Variants in MAPK10 observed in about 807,000 individuals in gnomAD.
The protein encoded by MAPK10 is JNK3 alpha protein kinase.
Under a neutral mutation model 59.3 loss-of-function variants are expected in MAPK10, and 25 were observed. The ratio of observed to expected loss-of-function variants is 0.42; its 90% CI spans 0.31 to 0.59. The LOEUF is 0.59. Among genes scored for constraint, MAPK10 ranks in the 20% least tolerant of loss-of-function variants. MAPK10 has a pLI of 0.15. For synonymous variants in MAPK10, 190 were observed against 200.5 expected (o/e 0.95, Z 0.44); for missense variants, 351 against 568.9 (o/e 0.62, Z 3.90).
intron 1 of MAPK10, among the ~76,000 whole-genome samples, chr4:86,412,108 C>T (rs1463799784): frequency 6.6e-6 from 1 of 152,176 alleles, no homozygotes; most frequent in Non-Finnish European, 1.5e-5. Flanking sequence ...GTGACAAAAT[C>T]TCTCAGCATT....
chr4:86,530,085 TA>T (rs1331270387), intron 1 of MAPK10, among the ~76,000 whole-genome samples: 1 of 141,102 alleles, frequency 7.1e-6, no homozygotes, highest in Non-Finnish European at 1.6e-5. Flanking sequence ...TTTTTTTTTT[TA>T]AGTACAGACT....
chr4:86,439,006 G>A (rs142550607), intron 1 of MAPK10, among the ~76,000 whole-genome samples: 3 of 152,154 alleles, frequency 2.0e-5, no homozygotes, highest in East Asian at 3.9e-4. Flanking sequence ...TGGTTCGATG[G>A]CTGCAATGTG....
At chr4:86,195,321 C>T (rs1159300427) in intron 2 of MAPK10, among the ~76,000 whole-genome samples, 1 of 152,166 alleles carries the variant, frequency 6.6e-6, no homozygotes, top group Non-Finnish European at 1.5e-5. Context: ...ATGCGACTTC[C>T]ATTTCTGGCA....
chr4:86,052,949 G>A (rs2043857206), intron 11 of MAPK10, among the ~76,000 whole-genome samples: 1 of 152,010 alleles, frequency 6.6e-6, no homozygotes, highest in African/African-American at 2.4e-5. Flanking sequence ...GCCTCCCAAA[G>A]TGCTAGGATT....
intron 13 of MAPK10, among the ~76,000 whole-genome samples, chr4:86,019,930 A>G (rs1157387874): frequency 6.6e-6 from 1 of 152,170 alleles, no homozygotes; most frequent in Non-Finnish European, 1.5e-5. Flanking sequence ...TATTTTTTGT[A>G]ACAGCTTTAT....
chr4:86,057,772 G>C (rs1434093410), intron 11 of MAPK10, among the ~76,000 whole-genome samples: 1 of 149,554 alleles, frequency 6.7e-6, no homozygotes, highest in African/African-American at 2.5e-5. Context: ...AAGAGAAAAG[G>C]GTAAGAAGTG....
intron 1 of MAPK10, among the ~76,000 whole-genome samples, chr4:86,461,168 C>A (rs1389586045): frequency 6.6e-6 from 1 of 151,044 alleles, no homozygotes; most frequent in East Asian, 1.9e-4. Context: ...TTATTCTGAG[C>A]CAAATATGAG....
At chr4:86,538,531 G>T (rs777435041) in intron 1 of MAPK10, among the ~76,000 whole-genome samples, 1 of 152,134 alleles carries the variant, frequency 6.6e-6, no homozygotes, top group African/African-American at 2.4e-5. Context: ...GTGTATTTTG[G>T]ATGCTTTTAG....
intron 1 of MAPK10, among the ~76,000 whole-genome samples, chr4:86,480,136 A>G (rs1213334076): frequency 6.6e-6 from 1 of 152,190 alleles, no homozygotes; most frequent in Non-Finnish European, 1.5e-5. Context: ...GATGGCCTGA[A>G]GTAACTGAAG....
At chr4:86,421,718 G>A (rs566517375) in intron 1 of MAPK10, among the ~76,000 whole-genome samples, 7 of 152,314 alleles carry the variant, frequency 4.6e-5, no homozygotes, top group Non-Finnish European at 1.0e-4. Context: ...GCAGATCTCA[G>A]CCTACCACTA....
chr4:86,214,151 C>T (rs1039570169), intron 2 of MAPK10, among the ~76,000 whole-genome samples: 1 of 151,922 alleles, frequency 6.6e-6, no homozygotes, highest in South Asian at 2.1e-4. Flanking sequence ...TCAATTGATA[C>T]AGAAAAACCA....
chr4:86,067,965 G>T lies in MAPK10; in HGVS notation c.803-10C>A, dbSNP rs377494172. 1.1e-5 allele frequency: 17 copies of T among 1,587,282 alleles called. No homozygotes were observed. The highest frequency in any genetic ancestry group is 1.4e-5 in the Non-Finnish European group (16 of 1,164,538). On this transcript the variant is annotated splice_polypyrimidine_tract_variant and intron_variant, in intron 9 of 13. Transcript: ENST00000641462. The stretch of plus-strand genomic sequence containing the variant: ...TTCCACTGGTCAATATCTGAGAATT[G>T]AACAGTTAAGGGAAAAAAGAAGAGC...
chr4:86,511,534 T>A (rs113669540), intron 1 of MAPK10, among the ~76,000 whole-genome samples: 2 of 151,636 alleles, frequency 1.3e-5, no homozygotes, highest in African/African-American at 4.8e-5. Context: ...CACTCTGCTC[T>A]CCAGCCTGGG....
chr4:86,515,901 GT>G (rs1756626264), intron 1 of MAPK10, among the ~76,000 whole-genome samples: 1 of 149,102 alleles, frequency 6.7e-6, no homozygotes, highest in Non-Finnish European at 1.5e-5. Flanking sequence ...TTTTTGTTTT[GT>G]TTTTGTTTTT....
At chr4:86,067,213 C>T (rs2046914594) in intron 10 of MAPK10, among the ~76,000 whole-genome samples, 1 of 152,142 alleles carries the variant, frequency 6.6e-6, no homozygotes, top group Admixed American at 6.5e-5. Context: ...CCGATCTCGG[C>T]TCACTGCAAC....
intron 4 of MAPK10, among the ~76,000 whole-genome samples, chr4:86,147,944 A>G (rs2065409699): frequency 6.6e-6 from 1 of 152,190 alleles, no homozygotes; most frequent in African/African-American, 2.4e-5. Context: ...TCCTGAAATT[A>G]GTGGGTCATA....
At chr4:86,267,284 C>T (rs1021413063) in intron 2 of MAPK10, among the ~76,000 whole-genome samples, 1 of 152,104 alleles carries the variant, frequency 6.6e-6, no homozygotes, top group African/African-American at 2.4e-5. Flanking sequence ...AAGTTTCTAA[C>T]AAAGCGTCAG....
intron 5 of MAPK10, among the ~76,000 whole-genome samples, chr4:86,104,124 C>G (rs950221982): frequency 6.6e-6 from 1 of 152,018 alleles, no homozygotes; most frequent in Non-Finnish European, 1.5e-5. Context: ...TTTCAGTAAA[C>G]TTTATAAATG....
rs562667722 is a variant in MAPK10, at chr4:86,531,218, G to T, written c.-263+62692C>A. ...TCCACTCTGTTTATCAAACCCTAAG[G>T]TTAATCAGTCTTTGCCTAAGCAAGT... On this transcript the variant is annotated intron_variant, in intron 1 of 4. Coordinates refer to the MAPK10 transcript ENST00000502302. Among the ~76,000 whole-genome samples the T allele has an allele frequency of 3.3e-5, 5 of 152,236 alleles. No homozygotes were observed. The South Asian group carries it at 8.3e-4, about 25-fold the overall frequency.
Sources: allele counts gnomAD v4.1 joint callset (sites outside exome capture counted in the v4.1 genomes callset), GRCh38; gene constraint gnomAD v4.1.1; transcripts MANE v1.5; gene names NCBI Gene and HGNC (gene_info 2026-07-23, HGNC 2026-07-21).